TRAM2: variants seen among roughly 807,000 people sequenced by gnomAD.
The protein encoded by TRAM2 is translocating chain-associated membrane protein 2.
TRAM2 carries 12 observed loss-of-function variants against 51.0 expected under a neutral mutation model. The ratio of observed to expected loss-of-function variants is 0.24; its 90% CI spans 0.15 to 0.38. The LOEUF is 0.38. TRAM2 is among the 10% of genes least tolerant of loss of function. The pLI is 1.00. For missense variants in TRAM2, 361 were observed against 462.0 expected, an observed-to-expected ratio of 0.78 and a Z score of 2.00; for synonymous variants, 175 against 179.4, an observed-to-expected ratio of 0.98 and a Z score of 0.20.
chr6:52,576,767 C>T (rs1385235731), intron 1 of TRAM2, 29 bp downstream of exon 1: 1 of 1,608,390 alleles, frequency 6.2e-7, no homozygotes, highest in Non-Finnish European at 8.5e-7. Context: ...GGCACTGTCC[C>T]TCCAGCTCCC....
chr6:52,550,167 T>A (rs1016118384), intron 1 of TRAM2, among the ~76,000 whole-genome samples: 1 of 152,178 alleles, frequency 6.6e-6, no homozygotes, highest in Non-Finnish European at 1.5e-5. Flanking sequence ...CCTGGCTCCT[T>A]TCCTGCTGGA....
In TRAM2 at chr6:52,502,100, C is replaced by G. The variant is rs973464826; in HGVS notation, c.*1097G>C. The G allele has an allele frequency of 6.6e-6, 1 of 152,296 alleles. No homozygotes were observed. Among genetic ancestry groups the G allele is most frequent in the African/African-American group, 2.4e-5 (1 of 41,464 alleles). 9.4% of individuals were successfully genotyped at this position (152,296 alleles called of 1,614,324 possible). A position where few individuals can be genotyped will look rare whatever the true frequency, so the allele number is the denominator to read the frequency against. ...TCAACAAGGGCGGCCAGATGAACAG[C>G]GGTCCAAGTGACCCTCCCTGAACAC... is the stretch of plus-strand genomic sequence containing the variant. On this transcript the variant is annotated 3_prime_UTR_variant, in exon 11 of 11. Transcript: ENST00000182527.
At chr6:52,563,423 A>G (rs1767532596) in intron 1 of TRAM2, among the ~76,000 whole-genome samples, 1 of 152,200 alleles carries the variant, frequency 6.6e-6, no homozygotes, top group Non-Finnish European at 1.5e-5. Context: ...AAGCCAATAA[A>G]AAGTGGTTAC....
chr6:52,527,379 A>C (rs1766802188), intron 2 of TRAM2, among the ~76,000 whole-genome samples: 1 of 13,318 alleles, frequency 7.5e-5, no homozygotes, highest in African/African-American at 2.0e-4. Context: ...CTCTATCTCA[A>C]AAAAAAAAAA....
intron 1 of TRAM2, among the ~76,000 whole-genome samples, chr6:52,567,353 C>T (rs1767606103): frequency 6.6e-6 from 1 of 152,152 alleles, no homozygotes; most frequent in Admixed American, 6.5e-5. Context: ...AAAATGAGCA[C>T]AGTAGAGAGA....
intron 1 of TRAM2, among the ~76,000 whole-genome samples, chr6:52,551,448 C>T (rs1354378924): frequency 2.0e-5 from 3 of 152,144 alleles, no homozygotes; most frequent in Admixed American, 6.5e-5. Context: ...TTCTTTCTAA[C>T]GTTTTCAGGA....
Position 52,505,631 on chromosome 6 carries a change from G to C in TRAM2, c.843C>G (p.Pro281=). 2 of 1,613,056 alleles carry C rather than the reference G, an allele frequency of 1.2e-6. No individual in the cohort carries two copies. Among genetic ancestry groups the C allele is most frequent in the East Asian group, 2.2e-5 (1 of 44,844 alleles). ...LARMENQAFD[P]EKGNFNTLFC... ...ACAAAGTGTTGAAGTTCCCTTTCTC[G>C]GGATCAAATGCCTGGTTTTCCATGC... The change falls in exon 9 of 11, where the codon CCC becomes CCG. Residue 281 remains proline (P), a synonymous_variant. Transcript: ENST00000182527.
At chr6:52,561,998 T>C (rs1475247312) in intron 1 of TRAM2, among the ~76,000 whole-genome samples, 2 of 48,858 alleles carry the variant, frequency 4.1e-5, no homozygotes, top group Non-Finnish European at 8.1e-5. Context: ...AATCACTGTA[T>C]CATACACTTT....
intron 1 of TRAM2, among the ~76,000 whole-genome samples, chr6:52,559,389 A>G (rs1394457305): frequency 6.6e-6 from 1 of 152,134 alleles, no homozygotes. Context: ...AAATAGAGTA[A>G]AGGACTCAGG....
At chr6:52,522,794 G>T in intron 2 of TRAM2, 1 of 644,006 alleles carries the variant, frequency 1.6e-6, no homozygotes, top group South Asian at 1.8e-5. Context: ...CAACCTCTGT[G>T]AGCAGCTGTC....
chr6:52,560,235 G>A (rs915609810), intron 1 of TRAM2, among the ~76,000 whole-genome samples: 5 of 149,960 alleles, frequency 3.3e-5, no homozygotes, highest in African/African-American at 5.0e-5. Context: ...TGACAAGAGC[G>A]AAACTGTCTC....
At chr6:52,531,162 T>C (rs1766884501) in intron 2 of TRAM2, among the ~76,000 whole-genome samples, 2 of 139,694 alleles carry the variant, frequency 1.4e-5, no homozygotes, top group Non-Finnish European at 3.1e-5. Context: ...AAGAGTAGAG[T>C]ACGATCTAAG....
At position 52,534,250 on chromosome 6, in the gene TRAM2, G is replaced by A. The variant is rs537266164; in HGVS notation, c.184+1533C>T. 1.5e-4 allele frequency among the ~76,000 whole-genome samples: 23 copies of A among 151,630 alleles called. No homozygotes were observed. In the South Asian group the frequency reaches 4.4e-3, roughly 29 times the overall value. Reference sequence around the variant, plus strand: ...CATAAAATTAGACTGGCACGGTGGCGCATGCCTGTAACCCCAGCTACTTGG... The same window carrying A: ...CATAAAATTAGACTGGCACGGTGGCACATGCCTGTAACCCCAGCTACTTGG... On this transcript the variant is annotated intron_variant, in intron 2 of 10. Coordinates refer to ENST00000182527, the MANE Select transcript of TRAM2 (RefSeq NM_012288.4).
intron 1 of TRAM2, among the ~76,000 whole-genome samples, chr6:52,569,136 T>C (rs949215869): frequency 1.2e-4 from 19 of 152,194 alleles, no homozygotes; most frequent in African/African-American, 4.3e-4. Context: ...GGCTCATGCC[T>C]GTAATCCCAA....
Position 52,504,745 on chromosome 6 carries a change from C to T in TRAM2, c.885G>A (p.Val295=). The T allele has an allele frequency of 6.2e-7, 1 of 1,605,818 alleles. No individual in the cohort carries two copies. Among genetic ancestry groups the T allele is most frequent in the Admixed American group, 1.7e-5 (1 of 59,000 alleles). Residue 295 remains valine, a synonymous_variant, in exon 10 of 11, where the codon GTG becomes GTA. Coordinates refer to ENST00000182527, the MANE Select transcript of TRAM2 (RefSeq NM_012288.4). ...NFNTLFCRLC[V]LLLVCAAQAW... ...CCTGGGCGGCACACACCAGCAGCAG[C>T]ACGCAGAGCCTGCAGAGCAGGGGGT...
rs1257152050 is a variant in TRAM2, at chr6:52,502,450, C to A, written c.*747G>T. 1.3e-5 allele frequency: 2 copies of A among 151,366 alleles called. No homozygotes were observed. Among genetic ancestry groups the A allele is most frequent in the South Asian group, 2.1e-4 (1 of 4,766 alleles). The allele number at this position is 151,366 out of a possible 1,614,324, so 9.4% of individuals were successfully genotyped here. ...CAGTGGGAAGACGTGTCCCCCCCCA[C>A]AGAGCGACAGCAGGCTGGCTTCCAA... On this transcript the variant is annotated 3_prime_UTR_variant, in exon 11 of 11. Coordinates refer to ENST00000182527, the MANE Select transcript of TRAM2 (RefSeq NM_012288.4).
intron 2 of TRAM2, among the ~76,000 whole-genome samples, chr6:52,528,886 C>T (rs1766831524): frequency 1.6e-5 from 2 of 128,516 alleles, no homozygotes; most frequent in African/African-American, 2.9e-5. Context: ...GTGTACATGA[C>T]TTTTTTTTTT....
At chr6:52,530,610 C>T (rs767251995) in intron 2 of TRAM2, among the ~76,000 whole-genome samples, 29 of 152,250 alleles carry the variant, frequency 1.9e-4, no homozygotes, top group Non-Finnish European at 3.4e-4. Flanking sequence ...CAGACTGACA[C>T]GCACACAGGG....
intron 2 of TRAM2, chr6:52,523,667 A>G (rs1766719934): frequency 6.6e-6 from 1 of 152,258 alleles, no homozygotes; most frequent in Non-Finnish European, 1.5e-5. Context: ...TTGAGATTAC[A>G]AACGCATCAA....
Sources: allele counts gnomAD v4.1 joint callset (sites outside exome capture counted in the v4.1 genomes callset), GRCh38; gene constraint gnomAD v4.1.1; transcripts MANE v1.5; gene names NCBI Gene and HGNC (gene_info 2026-07-23, HGNC 2026-07-21).